ZNF507: variants seen among roughly 807,000 people sequenced by gnomAD.
ZNF507 encodes zinc finger protein 507.
ZNF507 carries 29 observed loss-of-function variants against 80.0 expected under a neutral mutation model. The observed-to-expected ratio is 0.36, with a 90% confidence interval of 0.27 to 0.49. ZNF507 has a LOEUF of 0.49. Among genes scored for constraint, ZNF507 ranks in the 20% least tolerant of loss-of-function variants. The pLI is 0.98. For synonymous variants in ZNF507, 462 were observed against 422.5 expected (o/e 1.09, Z -1.15); for missense variants, 1,081 against 1,152.2 (o/e 0.94, Z 0.90).
intron 1 of ZNF507, among the ~76,000 whole-genome samples, chr19:32,346,515 A>G (rs1349762991): frequency 6.6e-6 from 1 of 152,194 alleles, no homozygotes; most frequent in Non-Finnish European, 1.5e-5. Flanking sequence ...CACTTTCTCC[A>G]GTACTCCCCT....
At chr19:32,379,445 G>T (rs1967595760) in intron 5 of ZNF507, among the ~76,000 whole-genome samples, 1 of 152,136 alleles carries the variant, frequency 6.6e-6, no homozygotes, top group African/African-American at 2.4e-5. Context: ...AATATTTAAT[G>T]AAATGTCAAA....
intron 5 of ZNF507, among the ~76,000 whole-genome samples, chr19:32,375,411 G>T (rs1207803381): frequency 2.0e-5 from 3 of 152,234 alleles, no homozygotes; most frequent in Non-Finnish European, 4.4e-5. Flanking sequence ...ACACAGGGAC[G>T]TGATAAACGA....
rs903976091 is a variant in ZNF507 at position 32,385,865 on chromosome 19, C to T, written c.*2782C>T. Reference sequence around the variant, plus strand: ...CAGTAGGAATTCCTTCATAGAATAACATGTTATTTATTGGTATTGACTTCT... The same window carrying T: ...CAGTAGGAATTCCTTCATAGAATAATATGTTATTTATTGGTATTGACTTCT... On this transcript the variant is annotated 3_prime_UTR_variant, in exon 7 of 7. Transcript: ENST00000355898. The T allele has an allele frequency of 1.5e-4, 23 of 152,004 alleles. No homozygotes were observed. Among genetic ancestry groups the T allele is most frequent in the African/African-American group, 5.3e-4 (22 of 41,380 alleles). 9.4% of individuals were successfully genotyped at this position (152,004 alleles called of 1,614,324 possible). A position where few individuals can be genotyped will look rare whatever the true frequency, so the allele number is the denominator to read the frequency against.
chr19:32,375,674 A>G (rs1452219311), intron 5 of ZNF507, among the ~76,000 whole-genome samples: 1 of 152,224 alleles, frequency 6.6e-6, no homozygotes, highest in African/African-American at 2.4e-5. Context: ...GATTAGCAAA[A>G]TGCCGACAAT....
At chr19:32,371,881 C>T (rs956007654) in intron 5 of ZNF507, among the ~76,000 whole-genome samples, 4 of 151,956 alleles carry the variant, frequency 2.6e-5, no homozygotes, top group Non-Finnish European at 4.4e-5. Flanking sequence ...CCTCGTGAAC[C>T]GCCTGCCTCG....
chr19:32,351,213 G>C lies in ZNF507; in HGVS notation c.-2-1616G>C, dbSNP rs114990549. Among the ~76,000 whole-genome samples, 274 of 152,176 alleles carry C rather than the reference G, an allele frequency of 1.8e-3. 2 individuals carry two copies. Among genetic ancestry groups the C allele is most frequent in the African/African-American group, 6.5e-3 (269 of 41,544 alleles). ...AGTTAGAGACAGCTAGTAGCCAAGA[G>C]AAAAAAAGCTGATGCCATAGGGCAG... On this transcript the variant is annotated intron_variant, in intron 2 of 6. Transcript: ENST00000355898.
In ZNF507 at chr19:32,354,698, C is replaced by T. The variant is rs748355403; in HGVS notation, c.1868C>T (p.Thr623Ile). ...GCCCAGTGCCAACCCAACAGCGATA[C>T]AAGTTTGTCCGGAAACAATGTGGTG... is the stretch of plus-strand genomic sequence containing the variant. Reference protein sequence around the residue: ...DNAQCQPNSDTSLSGNNVVEY... With the variant: ...DNAQCQPNSDISLSGNNVVEY... The change falls in exon 3 of 7, where the codon ACA (threonine) becomes ATA (isoleucine). Residue 623 changes from threonine (T) to isoleucine (I), a missense_variant. Transcript: ENST00000355898. The T allele has an allele frequency of 1.4e-5, 23 of 1,614,074 alleles. No individual in the cohort carries two copies. The highest frequency in any genetic ancestry group is 1.9e-5 in the Non-Finnish European group (22 of 1,180,032).
At chr19:32,372,830 C>T (rs768487924) in intron 5 of ZNF507, among the ~76,000 whole-genome samples, 1 of 152,086 alleles carries the variant, frequency 6.6e-6, no homozygotes, top group Non-Finnish European at 1.5e-5. Flanking sequence ...CAAATTTCAA[C>T]GTTAGTTTTG....
Position 32,353,564 on chromosome 19 carries a change from A to G in ZNF507, c.734A>G (p.Tyr245Cys), listed in dbSNP as rs1967202449. ...AGGAAATGGTATGCATACGAACAGT[A>G]CGGCATGTATCGATGCTTGTTTTGT... ...GRRKWYAYEQ[Y>C]GMYRCLFCSY... The change falls in exon 3 of 7, where the codon TAC (tyrosine) becomes TGC (cysteine). Residue 245 changes from tyrosine (Y) to cysteine (C), a missense_variant. Tyr to Cys is a radical substitution (Grantham distance 194, BLOSUM62 -2). Transcript: ENST00000355898. The G allele has an allele frequency of 6.2e-7, 1 of 1,614,122 alleles. No homozygotes were observed. The highest frequency in any genetic ancestry group is 1.3e-5 in the African/African-American group (1 of 74,946).
At chr19:32,345,948 T>C (rs887749476) in intron 1 of ZNF507, among the ~76,000 whole-genome samples, 165 bp downstream of exon 1, 1 of 152,134 alleles carries the variant, frequency 6.6e-6, no homozygotes, top group Non-Finnish European at 1.5e-5. Context: ...CTGTCTTCTG[T>C]GCAGCAAGGC....
chr19:32,356,820 G>GC (rs1293124417), intron 4 of ZNF507, 87 bp downstream of exon 4: 1 of 983,668 alleles, frequency 1.0e-6, no homozygotes, highest in African/African-American at 1.6e-5. Context: ...TATTTTCAGG[G>GC]CAAAAGCCTA....
chr19:32,346,211 A>T (rs1366772453), intron 1 of ZNF507, among the ~76,000 whole-genome samples: 3 of 152,174 alleles, frequency 2.0e-5, no homozygotes, highest in Non-Finnish European at 4.4e-5. Context: ...TGCGTGGTGT[A>T]GAAAAAGCTA....
Position 32,383,531 on chromosome 19 carries a change from G to A in ZNF507, c.*448G>A, listed in dbSNP as rs1599562110. On this transcript the variant is annotated 3_prime_UTR_variant, in exon 7 of 7. Transcript: ENST00000355898. ...GTGAGGCCTCCAGTGAGAAATGGGA[G>A]GCAGTTCTGGGAGGGGGTTTTTTCA... 1 of 156,460 alleles carries A rather than the reference G, an allele frequency of 6.4e-6. No homozygotes were observed. Among genetic ancestry groups the A allele is most frequent in the Non-Finnish European group, 1.4e-5 (1 of 70,644 alleles). 9.7% of individuals were successfully genotyped at this position (156,460 alleles called of 1,614,324 possible). A position where few individuals can be genotyped will look rare whatever the true frequency, so the allele number is the denominator to read the frequency against.
chr19:32,377,135 A>G (rs948909793), intron 5 of ZNF507, among the ~76,000 whole-genome samples: 1 of 152,084 alleles, frequency 6.6e-6, no homozygotes, highest in Non-Finnish European at 1.5e-5. Context: ...GCCCTCCACA[A>G]GAGGTGGAGG....
chr19:32,361,498 C>T (rs529276122), intron 5 of ZNF507, among the ~76,000 whole-genome samples: 27 of 152,232 alleles, frequency 1.8e-4, no homozygotes, highest in African/African-American at 4.8e-4. Flanking sequence ...TGTATGGTTT[C>T]GAATATTTAA....
intron 2 of ZNF507, among the ~76,000 whole-genome samples, chr19:32,350,992 C>T (rs1197151787): frequency 6.6e-6 from 1 of 152,142 alleles, no homozygotes; most frequent in Admixed American, 6.5e-5. Flanking sequence ...AAATTGTTCC[C>T]CCATTGGTCT....
intron 1 of ZNF507, among the ~76,000 whole-genome samples, chr19:32,346,043 G>GCAGGCGTTGCTTCCTTCTC (rs1472012824): frequency 6.6e-6 from 1 of 152,242 alleles, no homozygotes; most frequent in South Asian, 2.1e-4. Context: ...CGGCCCGCCC[G>GCAGGCGTTGCTTCCTTCTC]CAGGCGTTGC....
At chr19:32,357,123 C>T (rs1967263544) in intron 4 of ZNF507, 1 of 158,794 alleles carries the variant, frequency 6.3e-6, no homozygotes, top group South Asian at 1.8e-4. Flanking sequence ...CCACCCCAAA[C>T]TTTAACTGGG....
rs112368766 is a variant in ZNF507 at position 32,371,829 on chromosome 19, C to T, written c.2361-10638C>T. 2.2e-3 allele frequency among the ~76,000 whole-genome samples: 340 copies of T among 151,744 alleles called. 5 individuals are homozygous for T. The South Asian group carries it at 0.026, about 12-fold the overall frequency. On this transcript the variant is annotated intron_variant, in intron 5 of 6. Coordinates refer to ENST00000355898, the MANE Select transcript of ZNF507 (RefSeq NM_001136156.2). ...TAATTTTTTATATTTTTAGTAGAGA[C>T]GGGGTTTCACCGTGTTAGCCAGGAT... is the stretch of plus-strand genomic sequence containing the variant.
Sources: gnomAD v4.1 joint callset for allele counts (sites outside exome capture counted in the v4.1 genomes callset) on GRCh38, gnomAD v4.1.1 for gene constraint, MANE v1.5 for transcripts, NCBI Gene and HGNC (gene_info 2026-07-23, HGNC 2026-07-21) for gene names.